The following RALGPS2 variants were observed in gnomAD, a reference collection of about 807,000 sequenced individuals.
RALGPS2 encodes ras-specific guanine nucleotide-releasing factor RalGPS2.
In RALGPS2, 43 loss-of-function variants were observed where a neutral mutation model predicts 86.8. The observed-to-expected ratio is 0.50, with a 90% CI of 0.39 to 0.64. The LOEUF is 0.64. Among genes scored for constraint, RALGPS2 ranks in the 30% least tolerant of loss-of-function variants. RALGPS2 has a pLI of 0.00. For synonymous variants in RALGPS2, 243 were observed against 231.3 expected (o/e 1.05, Z -0.46); for missense variants, 536 against 694.6 (o/e 0.77, Z 2.57).
intron 2 of RALGPS2, among the ~76,000 whole-genome samples, chr1:178,779,634 C>T (rs1308393890): frequency 6.6e-6 from 1 of 152,206 alleles, no homozygotes; most frequent in Non-Finnish European, 1.5e-5. Flanking sequence ...CTGTTCTGCT[C>T]CACAACCATA....
At chr1:178,845,176 A>G (rs1218405504) in intron 8 of RALGPS2, among the ~76,000 whole-genome samples, 1 of 151,686 alleles carries the variant, frequency 6.6e-6, no homozygotes, top group Non-Finnish European at 1.5e-5. Context: ...ACTGCTTCCT[A>G]TTAAGTAGAA....
intron 6 of RALGPS2, among the ~76,000 whole-genome samples, chr1:178,812,427 A>C (rs1655028529): frequency 6.6e-6 from 1 of 152,152 alleles, no homozygotes; most frequent in African/African-American, 2.4e-5. Context: ...TGGTTGAGTT[A>C]ATCTTTCCTA....
intron 7 of RALGPS2, among the ~76,000 whole-genome samples, chr1:178,823,728 G>A (rs1450541390): frequency 1.3e-5 from 2 of 152,212 alleles, no homozygotes; most frequent in African/African-American, 4.8e-5. Context: ...TAATGGAGGT[G>A]CTGTTTACTT....
At chr1:178,797,129 C>T (rs1443172191) in intron 4 of RALGPS2, among the ~76,000 whole-genome samples, 2 of 152,112 alleles carry the variant, frequency 1.3e-5, no homozygotes, top group Non-Finnish European at 2.9e-5. Context: ...GTTGAGTTTA[C>T]TTCAACCTTT....
intron 12 of RALGPS2, chr1:178,885,537 T>C (rs1231167286): frequency 4.8e-6 from 1 of 209,840 alleles, no homozygotes; most frequent in Non-Finnish European, 9.3e-6. Flanking sequence ...TCATTGTTTG[T>C]CTTAACCAAA....
At position 178,906,878 on chromosome 1, in the gene RALGPS2, C is replaced by G. The variant is rs778420214; in HGVS notation, c.1722+11C>G. ...AGTAACAAACAACAGGTAAGCATTT[C>G]TCCTAATTCTCAGAATAGTCCATAA... On this transcript the variant is annotated intron_variant, in intron 19 of 19. Transcript: ENST00000367635. 8 of 1,609,526 alleles carry G rather than the reference C, an allele frequency of 5.0e-6. No individual in the cohort carries two copies. In the East Asian group the frequency reaches 1.8e-4, roughly 36 times the overall value.
intron 7 of RALGPS2, among the ~76,000 whole-genome samples, chr1:178,825,263 G>C (rs566987588): frequency 6.6e-6 from 1 of 152,268 alleles, no homozygotes; most frequent in Non-Finnish European, 1.5e-5. Context: ...GAAGGGTTAA[G>C]GGTAGCACAA....
chr1:178,868,793 C>A (rs758346609), intron 8 of RALGPS2, among the ~76,000 whole-genome samples: 84 of 151,694 alleles, frequency 5.5e-4, no homozygotes, highest in Admixed American at 1.2e-3. Flanking sequence ...TTAAAGGAGG[C>A]AACTAAAAGT....
chr1:178,738,674 T>G (rs1650857963), intron 1 of RALGPS2, among the ~76,000 whole-genome samples: 1 of 152,248 alleles, frequency 6.6e-6, no homozygotes, highest in East Asian at 1.9e-4. Flanking sequence ...AGACAATGGT[T>G]ATAATTCTTT....
intron 7 of RALGPS2, among the ~76,000 whole-genome samples, chr1:178,830,373 T>C (rs989482609): frequency 6.6e-6 from 1 of 152,240 alleles, no homozygotes. Context: ...TCCTGCAGTT[T>C]TAGACATATC....
chr1:178,779,785 G>A (rs748477540), intron 2 of RALGPS2, among the ~76,000 whole-genome samples: 2 of 152,220 alleles, frequency 1.3e-5, no homozygotes, highest in Admixed American at 1.3e-4. Context: ...CCAGGCTGGA[G>A]TGCAGTGGCA....
At chr1:178,754,841 C>T (rs140397731) in intron 1 of RALGPS2, among the ~76,000 whole-genome samples, 1,820 of 152,292 alleles carry the variant, frequency 0.012, 54 homozygotes, top group African/African-American at 0.042. Flanking sequence ...ACTCTGTTGC[C>T]CAGGCTGGAG....
At chr1:178,837,023 T>A (rs566177768) in intron 8 of RALGPS2, among the ~76,000 whole-genome samples, 1 of 152,192 alleles carries the variant, frequency 6.6e-6, no homozygotes, top group East Asian at 1.9e-4. Flanking sequence ...TCAAGCAGTC[T>A]TCCTGCTTCA....
intron 8 of RALGPS2, among the ~76,000 whole-genome samples, chr1:178,856,194 GAGAGAGAGATATATATATATATATAT>G (rs1228182320): frequency 2.1e-4 from 21 of 99,198 alleles, no homozygotes; most frequent in African/African-American, 7.1e-4. Context: ...CTTTTCCAGA[GAGAGAGAGATATATATATATATATAT>G]ATATATATAT....
chr1:178,886,234 AAGT>A, intron 13 of RALGPS2, 114 bp downstream of exon 13: 1 of 1,072,282 alleles, frequency 9.3e-7, no homozygotes, highest in Non-Finnish European at 1.4e-6. Context: ...TAAAAAAACA[AAGT>A]AGCAGTTAAA....
At position 178,785,577 on chromosome 1, in the gene RALGPS2, T is replaced by C; in HGVS notation, c.183T>C (p.Asp61=). The C allele has an allele frequency of 6.3e-7, 1 of 1,586,000 alleles. No homozygotes were observed. The highest frequency in any genetic ancestry group is 8.6e-7 in the Non-Finnish European group (1 of 1,167,304). The change falls in exon 4 of 20, where the codon GAT becomes GAC. Residue 61 remains aspartate, a synonymous_variant. Coordinates refer to ENST00000367635, the MANE Select transcript of RALGPS2 (RefSeq NM_152663.5). ...EEYAGQITLM[D]VPVFKAIQPD... ...TTCAGGGTCAGATAACATTAATGGA[T>C]GTTCCAGTATTTAAAGCTATTCAAC...
chr1:178,907,050 T>G (rs538219934), intron 19 of RALGPS2, among the ~76,000 whole-genome samples, 183 bp downstream of exon 19: 1 of 152,316 alleles, frequency 6.6e-6, no homozygotes, highest in African/African-American at 2.4e-5. Flanking sequence ...ACAGTAATCA[T>G]GCAAACAAGT....
At chr1:178,753,228 CT>C (rs897347152) in intron 1 of RALGPS2, among the ~76,000 whole-genome samples, 2 of 151,970 alleles carry the variant, frequency 1.3e-5, no homozygotes, top group Non-Finnish European at 2.9e-5. Flanking sequence ...CAAATTTGTC[CT>C]TTTTTTTCCT....
intron 15 of RALGPS2, among the ~76,000 whole-genome samples, chr1:178,893,147 T>G (rs1659786966): frequency 6.6e-6 from 1 of 152,092 alleles, no homozygotes; most frequent in Admixed American, 6.6e-5. Context: ...TGTCAGCATG[T>G]ATGTTTTATT....
Sources: gnomAD v4.1 joint callset for allele counts (sites outside exome capture counted in the v4.1 genomes callset) on GRCh38, gnomAD v4.1.1 for gene constraint, MANE v1.5 for transcripts, NCBI Gene and HGNC (gene_info 2026-07-23, HGNC 2026-07-21) for gene names.